Variants in TSPEAR observed in about 807,000 individuals in gnomAD.
TSPEAR encodes the protein thrombospondin type laminin G domain and EAR repeats, also known as thrombospondin-type laminin G domain and EAR repeat-containing protein.
TSPEAR carries 69 observed loss-of-function variants against 71.6 expected under a neutral mutation model. The ratio of observed to expected loss-of-function variants is 0.96; its 90% CI spans 0.79 to 1.18. The LOEUF (loss-of-function observed/expected upper bound fraction) is 1.18, where lower values mean the gene tolerates loss of function less well. TSPEAR is among the 50% of genes most tolerant of loss of function. The probability of loss-of-function intolerance (pLI) is 0.00; values close to 1 mark genes in which losing one functional copy is unlikely to be tolerated. For missense variants in TSPEAR, 971 were observed against 894.9 expected, an observed-to-expected ratio of 1.09 and a Z score of -1.09; for synonymous variants, 402 against 387.2, an observed-to-expected ratio of 1.04 and a Z score of -0.45.
chr21:44,696,716 A>C (rs536450007), intron 1 of TSPEAR, among the ~76,000 whole-genome samples: 1 of 152,338 alleles, frequency 6.6e-6, no homozygotes, highest in South Asian at 2.1e-4. Context: ...AGCAATACCA[A>C]ATGACAATCA....
chr21:44,612,834 G>C lies in TSPEAR; in HGVS notation c.83-44829C>G, dbSNP rs1555931536. ...CCCAGCTGCTGCCACCCGGCCTCCT[G>C]CCTGTCCTTCCTCTGCCGCCCCGCG... On this transcript the variant is annotated intron_variant, in intron 1 of 11. Coordinates refer to ENST00000323084, the MANE Select transcript of TSPEAR (RefSeq NM_144991.3). This position sits in a 1 kb window ranked among gnomAD's most constrained non-coding sequence, Gnocchi z 4.1. 2 of 1,612,574 alleles carry C rather than the reference G, an allele frequency of 1.2e-6. No homozygotes were observed. The highest frequency in any genetic ancestry group is 2.7e-5 in the African/African-American group (2 of 74,920).
intron 1 of TSPEAR, among the ~76,000 whole-genome samples, chr21:44,606,785 C>T (rs1555929919): frequency 6.6e-6 from 1 of 152,120 alleles, no homozygotes; most frequent in African/African-American, 2.4e-5. Flanking sequence ...AGACAAATGG[C>T]ATGATTTGTG....
At chr21:44,562,362 C>T (rs2053648965) in intron 2 of TSPEAR, among the ~76,000 whole-genome samples, 1 of 152,144 alleles carries the variant, frequency 6.6e-6, no homozygotes, top group Non-Finnish European at 1.5e-5. Flanking sequence ...ACATTCCATC[C>T]TCATGGATAG....
intron 1 of TSPEAR, among the ~76,000 whole-genome samples, chr21:44,682,357 G>C (rs1000844834): frequency 5.9e-5 from 9 of 152,186 alleles, no homozygotes; most frequent in African/African-American, 2.2e-4. Flanking sequence ...TCAAGCTCTT[G>C]TTACATTTGG....
chr21:44,685,528 G>T (rs1555948785), intron 1 of TSPEAR, among the ~76,000 whole-genome samples: 1 of 152,068 alleles, frequency 6.6e-6, no homozygotes, highest in Non-Finnish European at 1.5e-5. Context: ...GGTCCTCCTG[G>T]GCTCCGTCTG....
chr21:44,519,705 C>T (rs989067289), intron 9 of TSPEAR: 7 of 152,334 alleles, frequency 4.6e-5, no homozygotes, highest in African/African-American at 1.7e-4. Flanking sequence ...TCCCGTGCCA[C>T]ATCAAACCAA....
chr21:44,709,425 A>G (rs1422306042), intron 1 of TSPEAR, among the ~76,000 whole-genome samples: 1 of 152,256 alleles, frequency 6.6e-6, no homozygotes, highest in African/African-American at 2.4e-5. Context: ...CCCAGCCCAC[A>G]ACTTCCCCAA....
chr21:44,602,909 T>C (rs1760534641), intron 1 of TSPEAR, among the ~76,000 whole-genome samples: 1 of 152,096 alleles, frequency 6.6e-6, no homozygotes, highest in South Asian at 2.1e-4. Context: ...TACCACAACC[T>C]GTGTGGCCTG....
At chr21:44,625,950 G>A (rs1238533992) in intron 1 of TSPEAR, among the ~76,000 whole-genome samples, 1 of 152,224 alleles carries the variant, frequency 6.6e-6, no homozygotes, top group African/African-American at 2.4e-5. Flanking sequence ...TACAACCTGG[G>A]CAGCACTGGT....
chr21:44,513,845 T>G (rs912197999), intron 9 of TSPEAR, among the ~76,000 whole-genome samples: 2 of 152,002 alleles, frequency 1.3e-5, no homozygotes, highest in Non-Finnish European at 2.9e-5. Flanking sequence ...CAAGCCCTGG[T>G]TGGGGGGGCA....
chr21:44,591,947 T>G, intron 1 of TSPEAR: 7 of 1,595,154 alleles, frequency 4.4e-6, no homozygotes, highest in Non-Finnish European at 6.0e-6. Context: ...GACACACAGC[T>G]CACACAGCTA....
At chr21:44,649,344 A>G (rs1033706336) in intron 1 of TSPEAR, among the ~76,000 whole-genome samples, 19 of 152,168 alleles carry the variant, frequency 1.2e-4, no homozygotes, top group Admixed American at 6.5e-4. Flanking sequence ...TGCACCTCAC[A>G]TGCTCATCAA....
chr21:44,580,767 G>A (rs1178839280), intron 1 of TSPEAR, among the ~76,000 whole-genome samples: 1 of 152,168 alleles, frequency 6.6e-6, no homozygotes, highest in Non-Finnish European at 1.5e-5. Flanking sequence ...TAGAGCTGGT[G>A]GCTGGAGATG....
intron 1 of TSPEAR, among the ~76,000 whole-genome samples, chr21:44,577,573 A>G (rs1978544025): frequency 1.3e-5 from 2 of 152,118 alleles, no homozygotes; most frequent in African/African-American, 4.8e-5. Flanking sequence ...TTCACTCATT[A>G]TTGTGGGGGT....
intron 7 of TSPEAR, among the ~76,000 whole-genome samples, chr21:44,526,928 G>C (rs1236286675): frequency 1.3e-5 from 2 of 152,234 alleles, no homozygotes; most frequent in Non-Finnish European, 2.9e-5. Flanking sequence ...TTGAGGAAAG[G>C]AAGGATCAGG....
rs1555914834 is a variant in TSPEAR, at chr21:44,525,693, C to T, written c.1296G>A (p.Val432=). The change falls in exon 8 of 12, where the codon GTG becomes GTA. Residue 432 remains valine, a synonymous_variant. Transcript: ENST00000323084. ...CCACCGCCAGGAAGTGCTCCCCATC[C>T]ACCTCGAAGGCCTCCCAGTCTCGGG... ...HSARDWEAFE[V]DGEHFLAVAN... is the part of the protein sequence containing the mutation. 4.3e-6 allele frequency: 7 copies of T among 1,614,094 alleles called. No individual in the cohort carries two copies. The highest frequency in any genetic ancestry group is 3.3e-5 in the Admixed American group (2 of 60,014).
intron 1 of TSPEAR, among the ~76,000 whole-genome samples, chr21:44,656,034 G>A (rs1295618558): frequency 1.2e-4 from 18 of 152,192 alleles, no homozygotes; most frequent in Non-Finnish European, 2.5e-4. Context: ...CTGTGGCCAT[G>A]TGGGAGTCAC....
intron 2 of TSPEAR, among the ~76,000 whole-genome samples, chr21:44,538,433 C>G (rs1248929161): frequency 1.5e-3 from 145 of 98,324 alleles, no homozygotes; most frequent in Non-Finnish European, 2.4e-3. Flanking sequence ...CCCCCCCCCC[C>G]CCCAAGAGGA....
chr21:44,601,549 T>C (rs1555928791), intron 1 of TSPEAR: 1 of 1,613,426 alleles, frequency 6.2e-7, no homozygotes, highest in Non-Finnish European at 8.5e-7. Flanking sequence ...CTCCTCCGTG[T>C]CCCTCCTCTG....
Sources: allele counts gnomAD v4.1 joint callset (sites outside exome capture counted in the v4.1 genomes callset), GRCh38; gene constraint gnomAD v4.1.1; non-coding constraint Gnocchi (gnomAD v3.1); transcripts MANE v1.5; gene names NCBI Gene and HGNC (gene_info 2026-07-23, HGNC 2026-07-21).